Variants in ANKS1B observed in about 807,000 individuals in gnomAD.
ANKS1B encodes the protein ankyrin repeat and sterile alpha motif domain-containing protein 1B.
Under a neutral mutation model 148.3 loss-of-function variants are expected in ANKS1B, and 36 were observed. The ratio of observed to expected loss-of-function variants is 0.24; its 90% confidence interval spans 0.19 to 0.32. The LOEUF is 0.32. Ranked by LOEUF, ANKS1B falls within the 10% of genes least tolerant of loss-of-function variation. The probability of loss-of-function intolerance (pLI) is 1.00; values close to 1 mark genes in which losing one functional copy is unlikely to be tolerated. For synonymous variants in ANKS1B, 542 were observed against 560.8 expected, an observed-to-expected ratio of 0.97 and a Z score of 0.47; for missense variants, 1,157 against 1,542.6, an observed-to-expected ratio of 0.75 and a Z score of 4.19.
rs375941220 is a variant in ANKS1B at position 99,465,059 on chromosome 12, A to T, written c.1439-21250T>A. ...GCCAGAGAGAAAGGTCGGGTTACCC[A>T]CAAAGGGAAGCCCATCAGACTAACA... On this transcript the variant is annotated intron_variant, in intron 10 of 26. Coordinates refer to ENST00000683438, the MANE Select transcript of ANKS1B (RefSeq NM_001352186.2). Among the ~76,000 whole-genome samples the T allele has an allele frequency of 1.1e-4, 16 of 152,360 alleles. No individual in the cohort carries two copies. The South Asian group carries it at 1.7e-3, about 16-fold the overall frequency.
At chr12:99,690,274 C>G (rs770064711) in intron 8 of ANKS1B, among the ~76,000 whole-genome samples, 1 of 152,156 alleles carries the variant, frequency 6.6e-6, no homozygotes, top group Non-Finnish European at 1.5e-5. Flanking sequence ...GATGGGGACA[C>G]AGAGGCAAAT....
chr12:98,944,767 G>C (rs7977869), intron 17 of ANKS1B, among the ~76,000 whole-genome samples: 5,965 of 152,254 alleles, frequency 0.039, 405 homozygotes, highest in African/African-American at 0.14. Context: ...TTGCTATGCG[G>C]ATTTAAGAGA....
chr12:99,356,775 A>T (rs552687550), intron 12 of ANKS1B, among the ~76,000 whole-genome samples: 2 of 152,244 alleles, frequency 1.3e-5, no homozygotes, highest in South Asian at 4.1e-4. Flanking sequence ...TCCCTTTAAA[A>T]CCTGCTTTAC....
intron 17 of ANKS1B, among the ~76,000 whole-genome samples, chr12:98,862,310 G>A (rs2099603233): frequency 6.6e-6 from 1 of 152,070 alleles, no homozygotes; most frequent in Non-Finnish European, 1.5e-5. Context: ...GTTATTTATG[G>A]TTCCCTACAT....
chr12:99,315,875 G>C (rs752126256), intron 12 of ANKS1B, among the ~76,000 whole-genome samples: 10 of 151,912 alleles, frequency 6.6e-5, no homozygotes, highest in Non-Finnish European at 1.2e-4. Flanking sequence ...CTGTGTCCAA[G>C]TGTTCTCATT....
At chr12:99,736,852 A>T (rs1167158676) in intron 8 of ANKS1B, among the ~76,000 whole-genome samples, 1 of 152,138 alleles carries the variant, frequency 6.6e-6, no homozygotes, top group Non-Finnish European at 1.5e-5. Context: ...AACAATAAAA[A>T]ATCTAATAAT....
chr12:99,912,969 C>T (rs1416866097), intron 1 of ANKS1B, among the ~76,000 whole-genome samples: 1 of 152,108 alleles, frequency 6.6e-6, no homozygotes, highest in Non-Finnish European at 1.5e-5. Flanking sequence ...TCCTGTCTTC[C>T]ACAGTTCAAT....
intron 10 of ANKS1B, among the ~76,000 whole-genome samples, chr12:99,458,515 G>A (rs528533990): frequency 3.9e-4 from 59 of 151,280 alleles, no homozygotes; most frequent in Non-Finnish European, 4.7e-4. Context: ...GACCATTAGC[G>A]AGACTAACTA....
chr12:99,291,310 C>T (rs1212164480), intron 12 of ANKS1B, among the ~76,000 whole-genome samples: 2 of 152,076 alleles, frequency 1.3e-5, no homozygotes, highest in Non-Finnish European at 2.9e-5. Flanking sequence ...ATAAAATGCT[C>T]ATACTAACCA....
chr12:99,677,426 T>C (rs923752643), intron 8 of ANKS1B, among the ~76,000 whole-genome samples: 2 of 152,172 alleles, frequency 1.3e-5, no homozygotes, highest in African/African-American at 2.4e-5. Context: ...TGAGGACTTT[T>C]TTGGAGGAGA....
intron 11 of ANKS1B, among the ~76,000 whole-genome samples, chr12:99,431,611 T>C (rs1011839350): frequency 6.6e-6 from 1 of 152,206 alleles, no homozygotes; most frequent in African/African-American, 2.4e-5. Context: ...TATTTGACAA[T>C]GGAAACTTTT....
At position 99,433,637 on chromosome 12, in the gene ANKS1B, T is replaced by C. The variant is rs541495350; in HGVS notation, c.1575+10036A>G. On this transcript the variant is annotated intron_variant, in intron 11 of 26. Coordinates refer to ENST00000683438, the MANE Select transcript of ANKS1B (RefSeq NM_001352186.2). ...CTGAAATGCAAACTGCAGTGCTATA[T>C]AAGTTAAGTTTAAGACATCCCATTG... 1.3e-4 allele frequency among the ~76,000 whole-genome samples: 20 copies of C among 152,274 alleles called. No individual in the cohort carries two copies. The East Asian group carries it at 3.1e-3, about 24-fold the overall frequency.
At chr12:99,949,823 G>A (rs2095168178) in intron 1 of ANKS1B, among the ~76,000 whole-genome samples, 1 of 152,102 alleles carries the variant, frequency 6.6e-6, no homozygotes, top group African/African-American at 2.4e-5. Flanking sequence ...TTTACGGATT[G>A]TTAATGGCTG....
At chr12:99,777,047 A>T (rs867358017) in intron 6 of ANKS1B, among the ~76,000 whole-genome samples, 6 of 152,222 alleles carry the variant, frequency 3.9e-5, no homozygotes, top group Non-Finnish European at 7.3e-5. Context: ...GTGGGCTCAA[A>T]ATATGTGATA....
At chr12:99,259,555 T>C (rs2075693927) in intron 12 of ANKS1B, among the ~76,000 whole-genome samples, 2 of 152,240 alleles carry the variant, frequency 1.3e-5, no homozygotes, top group South Asian at 2.1e-4. Flanking sequence ...TTGTTCCCTT[T>C]GCTCAATACA....
At chr12:99,959,523 C>T (rs983183217) in intron 1 of ANKS1B, among the ~76,000 whole-genome samples, 2 of 152,088 alleles carry the variant, frequency 1.3e-5, no homozygotes, top group African/African-American at 2.4e-5. Flanking sequence ...GATGTCAACA[C>T]ATTTAATGAA....
intron 4 of ANKS1B, among the ~76,000 whole-genome samples, chr12:99,786,352 C>T (rs2065007837): frequency 6.6e-6 from 1 of 152,126 alleles, no homozygotes; most frequent in Non-Finnish European, 1.5e-5. Flanking sequence ...CAATGCTAGA[C>T]TAGTGCCTGG....
chr12:99,470,813 T>C lies in ANKS1B; in HGVS notation c.1439-27004A>G, dbSNP rs116936875. ...GCCAATTATAAAATGAGAGTTTTGA[T>C]TGAAGTCCACATTAGCCAGGAACCC... On this transcript the variant is annotated intron_variant, in intron 10 of 26. Coordinates refer to ENST00000683438, the MANE Select transcript of ANKS1B (RefSeq NM_001352186.2). Among the ~76,000 whole-genome samples, 147 of 152,232 alleles carry C rather than the reference T, an allele frequency of 9.7e-4. 2 individuals are homozygous for C. The highest frequency in any genetic ancestry group is 7.9e-3 in the East Asian group (41 of 5,184).
At chr12:99,397,659 T>G (rs1400370799) in intron 12 of ANKS1B, among the ~76,000 whole-genome samples, 1 of 152,172 alleles carries the variant, frequency 6.6e-6, no homozygotes, top group Non-Finnish European at 1.5e-5. Flanking sequence ...CTTATGTTCT[T>G]TGTGTATTTC....
Sources: gnomAD v4.1 joint callset for allele counts (sites outside exome capture counted in the v4.1 genomes callset) on GRCh38, gnomAD v4.1.1 for gene constraint, MANE v1.5 for transcripts, NCBI Gene and HGNC (gene_info 2026-07-23, HGNC 2026-07-21) for gene names.